Variants in PNPLA7 observed in about 807,000 individuals in gnomAD.
The protein encoded by PNPLA7 is patatin like domain 7, lysophospholipase.
In PNPLA7, 153 loss-of-function variants were observed where a neutral mutation model predicts 161.7. The ratio of observed to expected loss-of-function variants is 0.95; its 90% CI spans 0.83 to 1.08. The LOEUF (loss-of-function observed/expected upper bound fraction) is 1.08. PNPLA7 is among the 50% of genes least tolerant of loss of function. The pLI is 0.00. For missense variants in PNPLA7, 1,739 were observed against 1,856.6 expected (o/e 0.94, Z 1.16); for synonymous variants, 809 against 782.1 (o/e 1.03, Z -0.57).
chr9:137,480,259 G>A, intron 23 of PNPLA7, 53 bp downstream of exon 23: 1 of 1,555,286 alleles, frequency 6.4e-7, no homozygotes, highest in Non-Finnish European at 8.7e-7. Context: ...AGAGAAACAG[G>A]AGGTTCTGAA....
chr9:137,519,515 T>C (rs1834873997), intron 11 of PNPLA7, among the ~76,000 whole-genome samples: 1 of 152,044 alleles, frequency 6.6e-6, no homozygotes, highest in Non-Finnish European at 1.5e-5. Context: ...AATGAGACCG[T>C]TGGAGGTTTG....
At chr9:137,504,447 G>A (rs1297899934) in intron 14 of PNPLA7, among the ~76,000 whole-genome samples, 1 of 152,148 alleles carries the variant, frequency 6.6e-6, no homozygotes, top group Non-Finnish European at 1.5e-5. Flanking sequence ...CTTGACCTCA[G>A]GTGATCCACC....
At chr9:137,479,433 G>C in intron 23 of PNPLA7, 195 bp from the exon 24 acceptor site, 1 of 1,294,474 alleles carries the variant, frequency 7.7e-7, no homozygotes, top group South Asian at 2.7e-5. Flanking sequence ...TCCGTCCACT[G>C]TGTGCTGGGC....
At chr9:137,462,063 C>T in intron 31 of PNPLA7, 22 bp from the exon 32 acceptor site, 3 of 1,554,428 alleles carry the variant, frequency 1.9e-6, no homozygotes, top group Non-Finnish European at 2.6e-6. Flanking sequence ...CCCAGGGCCC[C>T]GTCAGGAGGT....
chr9:137,491,166 G>T (rs929706998), intron 20 of PNPLA7, among the ~76,000 whole-genome samples: 2 of 152,178 alleles, frequency 1.3e-5, no homozygotes, highest in Admixed American at 6.5e-5. Flanking sequence ...GGCTGAGGGG[G>T]GGGGAATCAC....
Position 137,500,203 on chromosome 9 carries a change from C to A in PNPLA7, c.1757+488G>T, listed in dbSNP as rs962965804. Among the ~76,000 whole-genome samples the A allele has an allele frequency of 2.0e-5, 3 of 152,266 alleles. No homozygotes were observed. Among genetic ancestry groups the A allele is most frequent in the African/African-American group, 7.2e-5 (3 of 41,470 alleles). On this transcript the variant is annotated intron_variant, in intron 16 of 34. Transcript: ENST00000406427. The surrounding 1 kb of genome is among the most constrained non-coding windows in gnomAD (Gnocchi z 5.5). ...GCACATTCTGCCCCAAGAAGGGACA[C>A]ACGTCAGTGGGGCTCCTCCCCCGAG...
chr9:137,480,185 T>C (rs111672922), intron 23 of PNPLA7, 127 bp downstream of exon 23: 2 of 1,313,190 alleles, frequency 1.5e-6, no homozygotes, highest in African/African-American at 3.0e-5. Context: ...GTAGCAGATA[T>C]CTGAGTGTTG....
At chr9:137,487,087 C>G (rs1832524482) in intron 20 of PNPLA7, among the ~76,000 whole-genome samples, 3 of 152,108 alleles carry the variant, frequency 2.0e-5, no homozygotes, top group South Asian at 4.1e-4. Flanking sequence ...GCTTCCTGAG[C>G]ACGGTGCCAG....
At position 137,521,671 on chromosome 9, in the gene PNPLA7, T is replaced by C; in HGVS notation, c.922A>G (p.Asn308Asp). The change falls in exon 10 of 35, where the codon AAC (asparagine) becomes GAC (aspartate). Residue 308 changes from asparagine to aspartate, a missense_variant. Asn to Asp is a conservative substitution (Grantham distance 23). Coordinates refer to ENST00000406427, the MANE Select transcript of PNPLA7 (RefSeq NM_001098537.3). ...LQRVTFLALH[N>D]YLGLTTELFN... ...AGCTCTGTGGTCAGGCCGAGGTAGTTGTGCAGAGCCAGAAAGGTCACCCTC... is the reference window on the plus strand; with the variant it reads ...AGCTCTGTGGTCAGGCCGAGGTAGTCGTGCAGAGCCAGAAAGGTCACCCTC... The C allele has an allele frequency of 6.2e-7, 1 of 1,612,350 alleles. No individual in the cohort carries two copies.
chr9:137,513,233 G>A (rs1834331129), intron 12 of PNPLA7, among the ~76,000 whole-genome samples: 1 of 152,104 alleles, frequency 6.6e-6, no homozygotes, highest in African/African-American at 2.4e-5. Flanking sequence ...GGCTCAGCCT[G>A]TAATCCCAGC....
intron 22 of PNPLA7, 145 bp downstream of exon 22, chr9:137,480,815 G>T: frequency 1.1e-6 from 1 of 940,934 alleles, no homozygotes; most frequent in Non-Finnish European, 1.6e-6. Flanking sequence ...CCAGTGAAGG[G>T]AGTCACGTCA....
Position 137,520,563 on chromosome 9 carries a change from G to A in PNPLA7, c.958-520C>T, listed in dbSNP as rs554360731. 2.0e-5 allele frequency among the ~76,000 whole-genome samples: 3 copies of A among 152,288 alleles called. No homozygotes were observed. Among genetic ancestry groups the A allele is most frequent in the South Asian group, 2.1e-4 (1 of 4,828 alleles). On this transcript the variant is annotated intron_variant, in intron 10 of 34. Coordinates refer to ENST00000406427, the MANE Select transcript of PNPLA7 (RefSeq NM_001098537.3). This position sits in a 1 kb window ranked among gnomAD's most constrained non-coding sequence, Gnocchi z 5.2. ...AAATGCACATACTAAAGACTAATGC[G>A]TGCTGGGCCTTTACTAACCGAGCTC... is the stretch of plus-strand genomic sequence containing the variant.
At chr9:137,532,494 T>C (rs1382327411) in intron 8 of PNPLA7, among the ~76,000 whole-genome samples, 1 of 152,206 alleles carries the variant, frequency 6.6e-6, no homozygotes, top group African/African-American at 2.4e-5. Context: ...GGAATATACA[T>C]GCTTATCTCT....
chr9:137,506,586 A>G (rs1372116502), intron 12 of PNPLA7, among the ~76,000 whole-genome samples: 1 of 151,946 alleles, frequency 6.6e-6, no homozygotes, highest in Non-Finnish European at 1.5e-5. Context: ...CCCATCTCAG[A>G]GGTTCGCTCT....
rs765639965 is a variant in PNPLA7, at chr9:137,493,031, G to A, written c.2179C>T (p.Gln727Ter). The stretch of plus-strand genomic sequence containing the variant: ...GACCCACCTGTCACAGGTCCCTGCT[G>A]GAGGCTGCCCAGGATCTTCTCACCC... ...LLGEKILGSL[Q>*]QGPVTGHQLG... Residue 727 changes from glutamine (Q) to a stop codon, truncating the protein, a stop_gained, in exon 20 of 35, where the codon CAG (glutamine) becomes TAG (stop). Transcript: ENST00000406427. LOFTEE classifies it high-confidence loss of function. 1 of 1,613,798 alleles carries A rather than the reference G, an allele frequency of 6.2e-7. No homozygotes were observed. Among genetic ancestry groups the A allele is most frequent in the Non-Finnish European group, 8.5e-7 (1 of 1,179,992 alleles).
At chr9:137,475,313 C>CT (rs527332135) in intron 25 of PNPLA7, among the ~76,000 whole-genome samples, 3 of 152,112 alleles carry the variant, frequency 2.0e-5, no homozygotes, top group African/African-American at 7.2e-5. Flanking sequence ...GGAGTTGAGG[C>CT]TATAGTGAGC....
In PNPLA7 at chr9:137,546,851, G is replaced by A. The variant is rs371159161; in HGVS notation, c.252C>T (p.Tyr84=). ...CTACCTTCCTCATGATCTTCCGGCC[G>A]TAAAACATCACTTTGTCTCTCTTCC... The part of the protein sequence containing the change: ...RFRKRDKVMF[Y]GRKIMRKVTT... Residue 84 remains tyrosine, a synonymous_variant, in exon 4 of 35, where the codon TAC becomes TAT. Coordinates refer to ENST00000406427, the MANE Select transcript of PNPLA7 (RefSeq NM_001098537.3). 6.8e-6 allele frequency: 11 copies of A among 1,613,762 alleles called. No individual in the cohort carries two copies. Among genetic ancestry groups the A allele is most frequent in the Non-Finnish European group, 8.5e-6 (10 of 1,179,994 alleles).
intron 24 of PNPLA7, 88 bp downstream of exon 24, chr9:137,478,968 A>C: frequency 1.9e-5 from 27 of 1,394,018 alleles, no homozygotes; most frequent in East Asian, 2.6e-5. Flanking sequence ...GTGTCAGGGA[A>C]TCAGGTGGGG....
chr9:137,481,809 G>A (rs1196131558), intron 21 of PNPLA7, among the ~76,000 whole-genome samples: 5 of 152,198 alleles, frequency 3.3e-5, no homozygotes, highest in South Asian at 2.1e-4. Flanking sequence ...GGTGGCGGGC[G>A]CCTGTAGTCC....
Sources: allele counts gnomAD v4.1 joint callset (sites outside exome capture counted in the v4.1 genomes callset), GRCh38; gene constraint gnomAD v4.1.1; non-coding constraint Gnocchi (gnomAD v3.1); transcripts MANE v1.5; gene names NCBI Gene and HGNC (gene_info 2026-07-23, HGNC 2026-07-21).